Variants in GNL3L observed in about 807,000 individuals in gnomAD.
GNL3L encodes guanine nucleotide-binding protein-like 3-like protein.
Under a neutral mutation model 42.9 loss-of-function variants are expected in GNL3L, and 4 were observed. The observed-to-expected ratio is 0.09, with a 90% CI of 0.05 to 0.21. The LOEUF is 0.21. Among genes scored for constraint, GNL3L ranks in the 10% least tolerant of loss-of-function variants. The probability of loss-of-function intolerance (pLI) is 1.00; values close to 1 mark genes in which losing one functional copy is unlikely to be tolerated. For synonymous variants in GNL3L, 159 were observed against 176.3 expected (o/e 0.90, Z 0.78); for missense variants, 412 against 481.7 (o/e 0.86, Z 1.36).
rs1280933763 is a variant in GNL3L at position 54,563,276 on chromosome X, A to G, written c.*2674A>G. ...GATTTTTGGTGGAAAAGCAGTATACATTCAGAATGCACCTCTACTTATGAT... is the reference window on the plus strand; with the variant it reads ...GATTTTTGGTGGAAAAGCAGTATACGTTCAGAATGCACCTCTACTTATGAT... On this transcript the variant is annotated 3_prime_UTR_variant, in exon 16 of 16. Coordinates refer to ENST00000360845, the MANE Select transcript of GNL3L (RefSeq NM_001184819.2). Among the ~76,000 whole-genome samples the G allele has an allele frequency of 1.8e-5, 2 of 111,729 alleles. No homozygotes were observed. Among genetic ancestry groups the G allele is most frequent in the African/African-American group, 6.5e-5 (2 of 30,751 alleles).
the GNL3L span, among the ~76,000 whole-genome samples, chrX:54,642,923 AAAAAC>A: frequency 3.6e-5 from 4 of 112,216 alleles, no homozygotes; most frequent in African/African-American, 1.3e-4. Context: ...TGTATAAACT[AAAAAC>A]AAAGTTCTCA....
downstream of GNL3L, among the ~76,000 whole-genome samples, chrX:54,567,905 TTTC>T (rs1337037863): frequency 9.0e-6 from 1 of 111,358 alleles, no homozygotes; most frequent in African/African-American, 3.3e-5. Context: ...ATTGATTGAT[TTTC>T]TTATGATAAA....
At chrX:54,542,329 G>C (rs1360324276) in intron 5 of GNL3L, among the ~76,000 whole-genome samples, 1 of 102,345 alleles carries the variant, frequency 9.8e-6, no homozygotes, top group Non-Finnish European at 1.9e-5. Flanking sequence ...TCCCACCTAT[G>C]AGTGAGAACA....
At chrX:54,559,958 C>T (rs890412869) in intron 15 of GNL3L, among the ~76,000 whole-genome samples, 3 of 111,191 alleles carry the variant, frequency 2.7e-5, no homozygotes, top group Non-Finnish European at 5.7e-5. Context: ...CTTGGCAGCA[C>T]GAGCACATAG....
At chrX:54,621,713 G>C (rs1926288006), downstream of GNL3L, among the ~76,000 whole-genome samples, 1 of 110,808 alleles carries the variant, frequency 9.0e-6, no homozygotes, top group African/African-American at 3.3e-5. Context: ...GGCTGAGGAG[G>C]GAGAATCGCT....
downstream of GNL3L, among the ~76,000 whole-genome samples, chrX:54,621,810 AAAAT>A (rs770866223): frequency 1.3e-4 from 14 of 111,023 alleles, no homozygotes; most frequent in African/African-American, 3.3e-4. Context: ...TCTCTCAATA[AAAAT>A]AAATAAATAA....
chrX:54,600,065 C>G (rs956068336), intron 16 of GNL3L, among the ~76,000 whole-genome samples: 7 of 109,167 alleles, frequency 6.4e-5, no homozygotes, highest in Non-Finnish European at 1.3e-4. Context: ...TCTCTGTTAT[C>G]TTGGTGTTAG....
At chrX:54,635,453 G>A in the GNL3L span, among the ~76,000 whole-genome samples, 1 of 111,463 alleles carries the variant, frequency 9.0e-6, no homozygotes, top group Non-Finnish European at 1.9e-5. Flanking sequence ...CTGTAAATGG[G>A]CCATAATTTC....
chrX:54,533,408 A>C (rs1413245432), intron 2 of GNL3L, among the ~76,000 whole-genome samples: 1 of 110,170 alleles, frequency 9.1e-6, no homozygotes, highest in Non-Finnish European at 1.9e-5. Flanking sequence ...AAAAAAGAAA[A>C]GAAAATGATA....
rs1243450152 is a variant in GNL3L at position 54,561,148 on chromosome X, T to C, written c.*546T>C. 1 of 111,196 alleles carries C rather than the reference T, an allele frequency of 9.0e-6. No individual in the cohort carries two copies. Among genetic ancestry groups the C allele is most frequent in the Non-Finnish European group, 1.9e-5 (1 of 53,010 alleles). The allele number at this position is 111,196 out of a possible 1,213,427, so 9.2% of individuals were successfully genotyped here. ...TACCCTCTATTTAACCCCTACTCTG[T>C]TTTACAAGAGAAATAAAAGAAGTAT... On this transcript the variant is annotated 3_prime_UTR_variant, in exon 16 of 16. Coordinates refer to ENST00000360845, the MANE Select transcript of GNL3L (RefSeq NM_001184819.2).
intron 16 of GNL3L, among the ~76,000 whole-genome samples, chrX:54,620,612 T>A (rs1926275806): frequency 8.9e-6 from 1 of 112,142 alleles, no homozygotes; most frequent in Admixed American, 9.5e-5. Flanking sequence ...AGTGCAGATA[T>A]CTCTTCCTTA....
intron 16 of GNL3L, among the ~76,000 whole-genome samples, chrX:54,585,571 T>G (rs1925772954): frequency 8.9e-6 from 1 of 112,138 alleles, no homozygotes; most frequent in Admixed American, 9.5e-5. Flanking sequence ...TCTTACAATC[T>G]TTTATATTTA....
chrX:54,601,868 C>T (rs1221774127), intron 16 of GNL3L, among the ~76,000 whole-genome samples: 1 of 111,945 alleles, frequency 8.9e-6, no homozygotes, highest in Non-Finnish European at 1.9e-5. Flanking sequence ...TTCGTTTATT[C>T]AGTGTAGTGC....
At chrX:54,598,585 A>G (rs1259773188) in intron 16 of GNL3L, among the ~76,000 whole-genome samples, 2 of 111,976 alleles carry the variant, frequency 1.8e-5, no homozygotes, top group Non-Finnish European at 3.8e-5. Flanking sequence ...TTCAGACAGG[A>G]CCTTAAAATA....
intron 13 of GNL3L, among the ~76,000 whole-genome samples, chrX:54,554,082 C>T (rs1252985435): frequency 9.1e-6 from 1 of 110,409 alleles, no homozygotes; most frequent in Non-Finnish European, 1.9e-5. Context: ...ATTAGAAGGC[C>T]GAGGGTAGGG....
At chrX:54,551,317 A>C (rs1298020587) in intron 10 of GNL3L, among the ~76,000 whole-genome samples, 4 of 112,357 alleles carry the variant, frequency 3.6e-5, no homozygotes, top group Admixed American at 2.8e-4. Context: ...GACTGGATGA[A>C]GCAGCTGAGG....
intron 5 of GNL3L, among the ~76,000 whole-genome samples, chrX:54,542,425 A>G (rs1296980732): frequency 9.0e-6 from 1 of 110,572 alleles, no homozygotes; most frequent in Non-Finnish European, 1.9e-5. Context: ...AAGGACATGA[A>G]CTCATCATTT....
intron 3 of GNL3L, 75 bp downstream of exon 3, chrX:54,539,176 A>G: frequency 1.8e-6 from 1 of 547,814 alleles, no homozygotes; most frequent in Non-Finnish European, 2.9e-6. Context: ...TAAACCCAGT[A>G]AATATTGGGT....
Position 54,543,010 on chromosome X carries a change from G to A in GNL3L, c.362G>A (p.Arg121Lys). 1.7e-6 allele frequency: 2 copies of A among 1,190,647 alleles called. No individual in the cohort carries two copies. Among genetic ancestry groups the A allele is most frequent in the Non-Finnish European group, 1.1e-6 (1 of 876,432 alleles). The part of the protein sequence containing the change: ...MFPQLDDEAT[R>K]KAYYKEFRKV... ...CCTCAGCTGGATGACGAGGCCACGA[G>A]GAAGGCTTATTACAAGGAGTTCCGT... Residue 121 changes from arginine to lysine, a missense_variant, in exon 6 of 16, where the codon AGG becomes AAG. Physicochemically the swap from Arg to Lys is conservative, Grantham distance 26 (BLOSUM62 2). Transcript: ENST00000360845.
Sources: allele counts gnomAD v4.1 joint callset (sites outside exome capture counted in the v4.1 genomes callset), GRCh38; gene constraint gnomAD v4.1.1; transcripts MANE v1.5; gene names NCBI Gene and HGNC (gene_info 2026-07-23, HGNC 2026-07-21).